DACH1: variants seen among roughly 807,000 people sequenced by gnomAD.
DACH1 encodes the protein dachshund family transcription factor 1, also known as dachshund homolog 1.
A neutral mutation model predicts 54.2 loss-of-function variants in DACH1; 12 were observed. That is an observed-to-expected ratio of 0.22 (90% confidence interval 0.14 to 0.36). The LOEUF is 0.36. Ranked by LOEUF, DACH1 falls within the 10% of genes least tolerant of loss-of-function variation. The pLI, the probability that DACH1 is intolerant of heterozygous loss-of-function variation, is 1.00. For synonymous variants in DACH1, 386 were observed against 366.2 expected (o/e 1.05, Z -0.62); for missense variants, 805 against 929.8 (o/e 0.87, Z 1.75).
chr13:71,626,085 C>T (rs936206387), intron 3 of DACH1, among the ~76,000 whole-genome samples: 3 of 151,820 alleles, frequency 2.0e-5, no homozygotes, highest in South Asian at 2.1e-4. Flanking sequence ...AGTAAAAATG[C>T]AGTCTTTTCC....
At chr13:71,834,933 A>T (rs578223010) in intron 1 of DACH1, among the ~76,000 whole-genome samples, 1 of 151,936 alleles carries the variant, frequency 6.6e-6, no homozygotes, top group African/African-American at 2.4e-5. Context: ...CTTTTCCCAC[A>T]TTTGTCTTTC....
chr13:71,736,462 T>A (rs931018936), intron 1 of DACH1, among the ~76,000 whole-genome samples: 1 of 151,824 alleles, frequency 6.6e-6, no homozygotes, highest in Non-Finnish European at 1.5e-5. Flanking sequence ...AAGGTAAATA[T>A]CTTAAAAAGG....
At chr13:71,639,439 T>C (rs1157080270) in intron 2 of DACH1, among the ~76,000 whole-genome samples, 2 of 152,144 alleles carry the variant, frequency 1.3e-5, no homozygotes, top group Non-Finnish European at 2.9e-5. Context: ...AGGCCATTAA[T>C]GGAAACACTC....
At chr13:71,834,030 C>T (rs971148022) in intron 1 of DACH1, among the ~76,000 whole-genome samples, 1 of 151,998 alleles carries the variant, frequency 6.6e-6, no homozygotes. Context: ...AGTATGGACA[C>T]ACTGGTAGTC....
At chr13:71,552,074 A>C (rs1338868301) in intron 6 of DACH1, among the ~76,000 whole-genome samples, 1 of 152,144 alleles carries the variant, frequency 6.6e-6, no homozygotes, top group Non-Finnish European at 1.5e-5. Context: ...CAGTGAAAGA[A>C]AGTTTTCTTA....
intron 3 of DACH1, among the ~76,000 whole-genome samples, chr13:71,578,691 C>A (rs1885685626): frequency 1.3e-5 from 2 of 152,078 alleles, no homozygotes; most frequent in Admixed American, 6.6e-5. Context: ...AAGAAGAAAT[C>A]TTCTAGGGAT....
chr13:71,557,271 T>G, intron 5 of DACH1, 113 bp from the exon 6 acceptor site: 1 of 714,308 alleles, frequency 1.4e-6, no homozygotes, highest in Non-Finnish European at 2.0e-6. Flanking sequence ...ATAATATTAA[T>G]ATAATGGTCT....
intron 1 of DACH1, among the ~76,000 whole-genome samples, chr13:71,755,391 A>C (rs1011256180): frequency 1.3e-5 from 2 of 152,164 alleles, no homozygotes; most frequent in African/African-American, 4.8e-5. Flanking sequence ...TTCAAGTTTA[A>C]ATTGTGACAT....
chr13:71,631,263 A>G (rs899978559), intron 2 of DACH1, among the ~76,000 whole-genome samples: 2 of 152,092 alleles, frequency 1.3e-5, no homozygotes, highest in Non-Finnish European at 2.9e-5. Context: ...TATGACAAAC[A>G]TTTCCTTGAC....
chr13:71,461,781 T>C (rs1876095591), intron 10 of DACH1, among the ~76,000 whole-genome samples: 1 of 151,970 alleles, frequency 6.6e-6, no homozygotes, highest in Admixed American at 6.6e-5. Context: ...AAGACAATGA[T>C]ACTTTGGAAC....
At chr13:71,663,602 T>G (rs531590159) in intron 2 of DACH1, among the ~76,000 whole-genome samples, 1 of 152,068 alleles carries the variant, frequency 6.6e-6, no homozygotes, top group African/African-American at 2.4e-5. Context: ...TGCCAACATT[T>G]GCTTACTAGC....
At chr13:71,823,027 C>T (rs530592108) in intron 1 of DACH1, among the ~76,000 whole-genome samples, 63 of 152,178 alleles carry the variant, frequency 4.1e-4, no homozygotes, top group Admixed American at 9.8e-4. Flanking sequence ...AATAACACAG[C>T]ACCAACACAA....
intron 1 of DACH1, among the ~76,000 whole-genome samples, chr13:71,828,799 C>G (rs2138201157): frequency 6.6e-6 from 1 of 152,018 alleles, no homozygotes; most frequent in Middle Eastern, 3.4e-3. Flanking sequence ...CCTGGCTTCT[C>G]TGGTCTCTAA....
intron 1 of DACH1, among the ~76,000 whole-genome samples, chr13:71,730,357 C>T (rs7998491): frequency 0.088 from 13,438 of 152,124 alleles, 1,679 homozygotes; most frequent in African/African-American, 0.28. Flanking sequence ...ACTATTTACA[C>T]ATTTCTTTTT....
chr13:71,748,810 C>T (rs1884721600), intron 1 of DACH1, among the ~76,000 whole-genome samples: 1 of 151,904 alleles, frequency 6.6e-6, no homozygotes, highest in Non-Finnish European at 1.5e-5. Flanking sequence ...ACTAATTTTT[C>T]TCTATGTTAC....
At chr13:71,617,132 G>A (rs1296025627) in intron 3 of DACH1, among the ~76,000 whole-genome samples, 1 of 152,062 alleles carries the variant, frequency 6.6e-6, no homozygotes, top group Non-Finnish European at 1.5e-5. Flanking sequence ...GCTTCCCAAA[G>A]TGCTGGGATT....
intron 10 of DACH1, among the ~76,000 whole-genome samples, chr13:71,463,836 T>A (rs1876323071): frequency 6.6e-6 from 1 of 151,984 alleles, no homozygotes; most frequent in Non-Finnish European, 1.5e-5. Context: ...GGCTCTCTCC[T>A]TCCATTCCTC....
Position 71,475,605 on chromosome 13 carries a change from T to C in DACH1, c.2014+101A>G. On this transcript the variant is annotated intron_variant, in intron 9 of 10. Coordinates refer to ENST00000613252, the MANE Select transcript of DACH1 (RefSeq NM_080759.6). ...TCAGCTTCAAGTATAGCTGAATGAA[T>C]CACAAGATATAGAAACATACAAAAC... 3.0e-6 allele frequency: 4 copies of C among 1,350,492 alleles called. No homozygotes were observed. The South Asian group carries it at 5.9e-5, about 20-fold the overall frequency. The allele number at this position is 1,350,492 out of a possible 1,614,324, so 83.7% of individuals were successfully genotyped here. A position where few individuals can be genotyped will look rare whatever the true frequency, so the allele number is the denominator to read the frequency against.
intron 10 of DACH1, among the ~76,000 whole-genome samples, chr13:71,463,887 A>G (rs2138145583): frequency 6.6e-6 from 1 of 151,824 alleles, no homozygotes; most frequent in East Asian, 1.9e-4. Context: ...ACTTGATGAG[A>G]TTTTGGATTT....
Sources: gnomAD v4.1 joint callset for allele counts (sites outside exome capture counted in the v4.1 genomes callset) on GRCh38, gnomAD v4.1.1 for gene constraint, MANE v1.5 for transcripts, NCBI Gene and HGNC (gene_info 2026-07-23, HGNC 2026-07-21) for gene names.